Variants in FGD6 observed in about 807,000 individuals in gnomAD.
The protein encoded by FGD6 is FYVE, RhoGEF and PH domain containing 6.
In FGD6, 90 loss-of-function variants were observed where a neutral mutation model predicts 149.4. The ratio of observed to expected loss-of-function variants is 0.60; its 90% CI spans 0.51 to 0.72. FGD6 has a LOEUF of 0.72. Among genes scored for constraint, FGD6 ranks in the 30% least tolerant of loss-of-function variants. The pLI is 0.00. For synonymous variants in FGD6, 527 were observed against 584.0 expected (o/e 0.90, Z 1.41); for missense variants, 1,437 against 1,684.8 (o/e 0.85, Z 2.57).
chr12:95,101,939 C>A (rs770922552), intron 14 of FGD6, among the ~76,000 whole-genome samples: 2 of 151,834 alleles, frequency 1.3e-5, no homozygotes, highest in South Asian at 4.2e-4. Flanking sequence ...CCTCGGCCTC[C>A]CAAAGTGCTG....
chr12:95,129,303 G>GCATCCATC (rs1176512039), intron 8 of FGD6, among the ~76,000 whole-genome samples: 79 of 130,814 alleles, frequency 6.0e-4, no homozygotes, highest in East Asian at 1.3e-3. Flanking sequence ...ATCCATGCAT[G>GCATCCATC]CATGCATGCA....
At chr12:95,149,415 T>C (rs1880222881) in intron 5 of FGD6, among the ~76,000 whole-genome samples, 2 of 125,742 alleles carry the variant, frequency 1.6e-5, no homozygotes, top group East Asian at 2.1e-4. Flanking sequence ...ATATATAGCA[T>C]ACTATATAAT....
At chr12:95,181,072 G>T (rs973471565) in intron 2 of FGD6, among the ~76,000 whole-genome samples, 8 of 152,072 alleles carry the variant, frequency 5.3e-5, no homozygotes, top group Non-Finnish European at 1.2e-4. Context: ...CCTTACTGCC[G>T]AGAGGGGTTT....
chr12:95,084,668 G>A, intron 19 of FGD6, 22 bp from the exon 20 acceptor site: 1 of 1,543,000 alleles, frequency 6.5e-7, no homozygotes, highest in Non-Finnish European at 8.7e-7. Context: ...ACATACAAAT[G>A]GAGAAAAGTT....
intron 2 of FGD6, among the ~76,000 whole-genome samples, chr12:95,191,239 G>A (rs1248292119): frequency 6.6e-6 from 1 of 152,192 alleles, no homozygotes; most frequent in Non-Finnish European, 1.5e-5. Flanking sequence ...GGAATGGAGT[G>A]CTTCTTGCAT....
chr12:95,192,183 C>A (rs1881608574), intron 2 of FGD6, among the ~76,000 whole-genome samples: 2 of 152,100 alleles, frequency 1.3e-5, no homozygotes, highest in South Asian at 2.1e-4. Flanking sequence ...CATTTTCCCC[C>A]AAAATTTTTT....
chr12:95,099,977 ATG>A (rs903462755), intron 14 of FGD6, among the ~76,000 whole-genome samples: 5 of 150,576 alleles, frequency 3.3e-5, no homozygotes, highest in African/African-American at 1.2e-4. Flanking sequence ...CCTCCCTGGT[ATG>A]TCTTTTGTTC....
chr12:95,209,789 GT>G lies in FGD6; in HGVS notation c.1494del (p.Lys498AsnfsTer39). ...EENSLRIVPK[K>X]PQRHSLPATG... ...GTAGCAGGCAAGCTATGTCTTTGAG[GT>G]TTTTTGGGGACAATTCGTAGAGAAT... On this transcript the variant is annotated frameshift_variant, in exon 2 of 21. Coordinates refer to ENST00000343958, the MANE Select transcript of FGD6 (RefSeq NM_018351.4). LOFTEE classifies it high-confidence loss of function. 1.9e-6 allele frequency: 3 copies of G among 1,611,792 alleles called. No individual in the cohort carries two copies. The highest frequency in any genetic ancestry group is 2.5e-6 in the Non-Finnish European group (3 of 1,179,564).
At chr12:95,144,987 C>CTTTTT in intron 5 of FGD6, among the ~76,000 whole-genome samples, 1 of 112,212 alleles carries the variant, frequency 8.9e-6, no homozygotes, top group Non-Finnish European at 1.9e-5. Context: ...CCGCACCCGG[C>CTTTTT]CTTTTTTTTT....
chr12:95,183,026 C>T (rs548157769), intron 2 of FGD6, among the ~76,000 whole-genome samples: 1 of 152,364 alleles, frequency 6.6e-6, no homozygotes, highest in East Asian at 1.9e-4. Flanking sequence ...CTCCGCCTGG[C>T]CACGCTATGC....
At chr12:95,158,490 T>G (rs913739702) in intron 3 of FGD6, among the ~76,000 whole-genome samples, 1 of 151,934 alleles carries the variant, frequency 6.6e-6, no homozygotes, top group Non-Finnish European at 1.5e-5. Context: ...CATAGCTATA[T>G]TCCTCAGGAA....
chr12:95,118,130 C>A (rs1879076050), intron 8 of FGD6, among the ~76,000 whole-genome samples: 1 of 151,984 alleles, frequency 6.6e-6, no homozygotes, highest in African/African-American at 2.4e-5. Flanking sequence ...GTGTGCAGAT[C>A]ACTTGAGGTC....
chr12:95,172,655 T>A lies in FGD6; in HGVS notation c.2531A>T (p.Asp844Val). 1 of 1,613,442 alleles carries A rather than the reference T, an allele frequency of 6.2e-7. No homozygotes were observed. Among genetic ancestry groups the A allele is most frequent in the South Asian group, 1.1e-5 (1 of 90,874 alleles). ...TTTACTTGACTCAGAGCTGACATCA[T>A]CTTCATCAGAACTGTTGATGATTTC... is the stretch of plus-strand genomic sequence containing the variant. ...EEEIINSSDE[D>V]DVSSESSKGE... Residue 844 changes from aspartate (D) to valine (V), a missense_variant, in exon 3 of 21, where the codon GAT becomes GTT. Physicochemically the swap from Asp to Val is radical, Grantham distance 152. Transcript: ENST00000343958.
chr12:95,146,445 A>G (rs1880017842), intron 5 of FGD6, among the ~76,000 whole-genome samples: 1 of 152,222 alleles, frequency 6.6e-6, no homozygotes, highest in Admixed American at 6.5e-5. Context: ...TGAGGATGCA[A>G]GACAGCAGGA....
intron 8 of FGD6, among the ~76,000 whole-genome samples, chr12:95,131,932 T>G (rs1879532747): frequency 6.6e-6 from 1 of 152,036 alleles, no homozygotes; most frequent in African/African-American, 2.4e-5. Flanking sequence ...CCCAGCTACT[T>G]GGGAGGCTGA....
At chr12:95,115,522 C>T (rs1384065514) in intron 8 of FGD6, among the ~76,000 whole-genome samples, 4 of 151,752 alleles carry the variant, frequency 2.6e-5, no homozygotes. Flanking sequence ...AGGCAGTGAG[C>T]CACTGCACCT....
chr12:95,148,071 C>T (rs948050244), intron 5 of FGD6, among the ~76,000 whole-genome samples: 5 of 152,028 alleles, frequency 3.3e-5, no homozygotes, highest in Non-Finnish European at 5.9e-5. Flanking sequence ...CAGTGAAGAA[C>T]AGTTCTCACA....
intron 2 of FGD6, among the ~76,000 whole-genome samples, chr12:95,183,837 AAACAACAAAAAC>A (rs1881349856): frequency 2.6e-5 from 4 of 152,204 alleles, no homozygotes; most frequent in Admixed American, 2.6e-4. Flanking sequence ...AACCTGTCTC[AAACAACAAAAAC>A]AACAACAAAA....
intron 7 of FGD6, among the ~76,000 whole-genome samples, chr12:95,135,623 G>T (rs998247936): frequency 1.3e-5 from 2 of 152,128 alleles, no homozygotes; most frequent in Non-Finnish European, 2.9e-5. Flanking sequence ...AAGTGAAAAT[G>T]TCCCTGCATC....
Sources: gnomAD v4.1 joint callset for allele counts (sites outside exome capture counted in the v4.1 genomes callset) on GRCh38, gnomAD v4.1.1 for gene constraint, MANE v1.5 for transcripts, NCBI Gene and HGNC (gene_info 2026-07-23, HGNC 2026-07-21) for gene names.